The following ESR1 variants were observed in gnomAD, a reference collection of about 807,000 sequenced individuals.
The protein encoded by ESR1 is estrogen receptor 1, also known as estrogen receptor.
Under a neutral mutation model 52.7 loss-of-function variants are expected in ESR1, and 12 were observed. The ratio of observed to expected loss-of-function variants is 0.23; its 90% CI spans 0.15 to 0.37. The LOEUF (loss-of-function observed/expected upper bound fraction) is 0.37. ESR1 is among the 10% of genes least tolerant of loss of function. ESR1 has a pLI of 1.00. For synonymous variants in ESR1, 305 were observed against 316.8 expected, an observed-to-expected ratio of 0.96 and a Z score of 0.39; for missense variants, 584 against 779.7, an observed-to-expected ratio of 0.75 and a Z score of 2.99.
intron 2 of ESR1, among the ~76,000 whole-genome samples, chr6:151,791,505 A>G (rs921670643): frequency 7.2e-5 from 11 of 152,100 alleles, no homozygotes; most frequent in African/African-American, 2.7e-4. Flanking sequence ...CCAGTCTTGG[A>G]TATGTCTTTA....
At chr6:151,808,968 G>T (rs1413293974) in intron 1 of ESR1, 2 of 232,402 alleles carry the variant, frequency 8.6e-6, no homozygotes, top group African/African-American at 2.4e-5. Context: ...TTTAGAGAGC[G>T]ATTGGGAGTT....
intron 3 of ESR1, among the ~76,000 whole-genome samples, chr6:151,899,133 C>T (rs1451598976): frequency 2.2e-5 from 3 of 136,496 alleles, no homozygotes; most frequent in East Asian, 2.7e-4. Flanking sequence ...GGGCTGACCC[C>T]CCCGCCTCCC....
chr6:152,117,303 C>A (rs1160294064), intron 6 of ESR1, among the ~76,000 whole-genome samples: 3 of 152,238 alleles, frequency 2.0e-5, no homozygotes, highest in Middle Eastern at 3.4e-3. Context: ...TTTCTGAGCC[C>A]AACAACAGCT....
At chr6:151,855,920 G>A (rs73626788) in intron 2 of ESR1, among the ~76,000 whole-genome samples, 8,038 of 152,192 alleles carry the variant, frequency 0.053, 418 homozygotes, top group East Asian at 0.17. Flanking sequence ...GTTAGTCATT[G>A]CATGCTCAAT....
At chr6:151,735,805 A>C (rs1328387340) in intron 2 of ESR1, among the ~76,000 whole-genome samples, 3 of 152,050 alleles carry the variant, frequency 2.0e-5, no homozygotes, top group Non-Finnish European at 4.4e-5. Context: ...TAATCCCCAT[A>C]ATCTCCACAC....
intron 2 of ESR1, among the ~76,000 whole-genome samples, chr6:151,777,090 A>G (rs146960914): frequency 5.2e-4 from 79 of 151,582 alleles, no homozygotes; most frequent in African/African-American, 1.8e-3. Context: ...AAAGGCTTGT[A>G]CAACTCTGAG....
At chr6:152,066,282 G>A (rs1490907217) in intron 6 of ESR1, among the ~76,000 whole-genome samples, 1 of 152,168 alleles carries the variant, frequency 6.6e-6, no homozygotes. Flanking sequence ...TGGATTGTTT[G>A]CACTCACTTT....
At chr6:152,011,967 A>G (rs1187175352) in intron 5 of ESR1, among the ~76,000 whole-genome samples, 173 bp downstream of exon 5, 2 of 150,804 alleles carry the variant, frequency 1.3e-5, no homozygotes, top group African/African-American at 4.9e-5. Flanking sequence ...CAGAAAGCTA[A>G]GGATAACTTT....
At position 151,807,965 on chromosome 6, in the gene ESR1, T is replaced by C; in HGVS notation, c.53T>C (p.Ile18Thr). Residue 18 changes from isoleucine (I) to threonine (T), a missense_variant, in exon 1 of 8, where the codon ATC becomes ACC. Ile to Thr is a moderately conservative substitution (Grantham distance 89). Around this residue, in one of 6 missense-constraint regions of ESR1, gnomAD observed 251 missense variants for 246.1 expected, o/e 1.02. Coordinates refer to ENST00000206249, the MANE Select transcript of ESR1 (RefSeq NM_000125.4). ...KASGMALLHQIQGNELEPLNR... is the reference protein window; with the variant it reads ...KASGMALLHQTQGNELEPLNR... ...TCTGGGATGGCCCTACTGCATCAGA[T>C]CCAAGGGAACGAGCTGGAGCCCCTG... 1 of 1,613,858 alleles carries C rather than the reference T, an allele frequency of 6.2e-7. No individual in the cohort carries two copies.
Position 151,944,347 on chromosome 6 carries a change from C to G in ESR1, c.935C>G (p.Ala312Gly), listed in dbSNP as rs2128528104. Reference sequence around the variant, plus strand: ...AACAGCCTGGCCTTGTCCCTGACGGCCGACCAGATGGTCAGTGCCTTGTTG... The same window carrying G: ...AACAGCCTGGCCTTGTCCCTGACGGGCGACCAGATGGTCAGTGCCTTGTTG... ...KKNSLALSLT[A>G]DQMVSALLDA... The change falls in exon 4 of 8, where the codon GCC (alanine) becomes GGC (glycine). Residue 312 changes from alanine to glycine, a missense_variant. Physicochemically the swap from Ala to Gly is moderately conservative, Grantham distance 60. Around this residue, in one of 6 missense-constraint regions of ESR1, gnomAD observed 88 missense variants for 88.3 expected, o/e 1.00. Transcript: ENST00000206249. 1 of 1,614,104 alleles carries G rather than the reference C, an allele frequency of 6.2e-7. No individual in the cohort carries two copies. The highest frequency in any genetic ancestry group is 1.1e-5 in the South Asian group (1 of 91,074).
chr6:151,837,572 C>T (rs1481123366), intron 1 of ESR1, among the ~76,000 whole-genome samples: 1 of 152,124 alleles, frequency 6.6e-6, no homozygotes, highest in Non-Finnish European at 1.5e-5. Flanking sequence ...TGCTATTCTT[C>T]ATTCCTTAGC....
chr6:152,111,234 T>G (rs1459918934), intron 6 of ESR1, among the ~76,000 whole-genome samples: 1 of 152,110 alleles, frequency 6.6e-6, no homozygotes, highest in Admixed American at 6.5e-5. Flanking sequence ...CCTCACTAAA[T>G]GAACGTGAAA....
At chr6:152,126,035 A>C (rs1411979270) in exon 7 of ESR1, 1 of 152,316 alleles carries the variant, frequency 6.6e-6, no homozygotes, top group East Asian at 1.9e-4. Context: ...CCTATGTTGG[A>C]GTCTGTTGAA....
intron 2 of ESR1, among the ~76,000 whole-genome samples, chr6:151,746,227 A>C (rs1355339268): frequency 6.6e-6 from 1 of 152,226 alleles, no homozygotes; most frequent in East Asian, 1.9e-4. Context: ...GGATATATAC[A>C]CAGAAGTGTA....
chr6:151,995,060 A>C (rs1373655634), intron 4 of ESR1, among the ~76,000 whole-genome samples: 3 of 152,112 alleles, frequency 2.0e-5, no homozygotes, highest in Non-Finnish European at 4.4e-5. Context: ...GGGAAGATAC[A>C]AGGAGGGTGA....
chr6:151,767,605 T>C (rs538360310), intron 2 of ESR1, among the ~76,000 whole-genome samples: 2 of 152,344 alleles, frequency 1.3e-5, no homozygotes, highest in South Asian at 4.1e-4. Context: ...TACAGCGTGA[T>C]AGGTAATATA....
intron 1 of ESR1, among the ~76,000 whole-genome samples, chr6:151,823,796 T>C (rs983414165): frequency 2.0e-5 from 3 of 152,238 alleles, no homozygotes; most frequent in African/African-American, 7.2e-5. Flanking sequence ...ACAAAGAACA[T>C]GAACTCATCC....
intron 2 of ESR1, among the ~76,000 whole-genome samples, chr6:151,742,639 G>A (rs1294004089): frequency 2.0e-5 from 3 of 152,098 alleles, no homozygotes; most frequent in Non-Finnish European, 4.4e-5. Flanking sequence ...TAAAAATAAT[G>A]CTTAGAACAG....
intron 1 of ESR1, among the ~76,000 whole-genome samples, chr6:151,829,693 A>G (rs924235045): frequency 6.6e-6 from 1 of 152,256 alleles, no homozygotes; most frequent in African/African-American, 2.4e-5. Context: ...GGCAAGGGAT[A>G]AAATCATGGT....
Sources: allele counts gnomAD v4.1 joint callset (sites outside exome capture counted in the v4.1 genomes callset), GRCh38; gene constraint gnomAD v4.1.1; regional missense constraint gnomAD v4.1.1; transcripts MANE v1.5; gene names NCBI Gene and HGNC (gene_info 2026-07-23, HGNC 2026-07-21).